The following NEGR1 variants were observed in gnomAD, a reference collection of about 807,000 sequenced individuals.
NEGR1 encodes the protein neuronal growth regulator 1.
Under a neutral mutation model 40.9 loss-of-function variants are expected in NEGR1, and 10 were observed. The observed-to-expected ratio is 0.24, with a 90% CI of 0.15 to 0.42. NEGR1 has a LOEUF of 0.42. Among genes scored for constraint, NEGR1 ranks in the 10% least tolerant of loss-of-function variants. The pLI is 1.00. For synonymous variants in NEGR1, 185 were observed against 166.8 expected (o/e 1.11, Z -0.84); for missense variants, 352 against 438.9 (o/e 0.80, Z 1.77).
At chr1:72,144,106 T>G (rs1650813808) in intron 1 of NEGR1, among the ~76,000 whole-genome samples, 1 of 150,642 alleles carries the variant, frequency 6.6e-6, no homozygotes. Context: ...AATTACTGCT[T>G]AATTGAATAA....
chr1:71,805,221 T>G (rs971136310), intron 2 of NEGR1, among the ~76,000 whole-genome samples: 12 of 152,310 alleles, frequency 7.9e-5, no homozygotes, highest in Admixed American at 3.3e-4. Context: ...AATTTTAATT[T>G]CGCCCCATCC....
At chr1:71,740,703 C>T (rs1437246994) in intron 3 of NEGR1, among the ~76,000 whole-genome samples, 1 of 152,008 alleles carries the variant, frequency 6.6e-6, no homozygotes, top group Non-Finnish European at 1.5e-5. Context: ...TGGAAAACAG[C>T]AGGAAGGCAA....
At chr1:71,905,542 G>A (rs601677) in intron 2 of NEGR1, among the ~76,000 whole-genome samples, 4,355 of 151,938 alleles carry the variant, frequency 0.029, 105 homozygotes, top group Middle Eastern at 0.066. Context: ...ATAAAACATC[G>A]TGAAGATTAT....
intron 3 of NEGR1, among the ~76,000 whole-genome samples, chr1:71,724,681 C>A (rs567388029): frequency 3.3e-5 from 5 of 152,254 alleles, no homozygotes; most frequent in African/African-American, 1.2e-4. Context: ...TTGGAACCAG[C>A]ACAATGCTCA....
At chr1:72,035,268 T>C (rs1411102762) in intron 1 of NEGR1, among the ~76,000 whole-genome samples, 3 of 152,180 alleles carry the variant, frequency 2.0e-5, no homozygotes, top group Non-Finnish European at 4.4e-5. Context: ...GTCTTCTTTT[T>C]GTCTATTAAA....
chr1:71,845,226 T>C (rs1659365605), intron 2 of NEGR1, among the ~76,000 whole-genome samples: 2 of 152,004 alleles, frequency 1.3e-5, no homozygotes, highest in South Asian at 4.1e-4. Flanking sequence ...GATAAATAAC[T>C]ATAGAATTTT....
chr1:72,172,095 G>A (rs1225603266), intron 1 of NEGR1, among the ~76,000 whole-genome samples: 5 of 152,114 alleles, frequency 3.3e-5, no homozygotes, highest in Non-Finnish European at 7.4e-5. Flanking sequence ...ATCAGCAGTA[G>A]GTGGAAGGAT....
chr1:72,192,426 A>G (rs1363188594), intron 1 of NEGR1, among the ~76,000 whole-genome samples: 1 of 151,948 alleles, frequency 6.6e-6, no homozygotes, highest in East Asian at 1.9e-4. Context: ...ACATCACTGT[A>G]TAATATACTC....
At chr1:72,022,051 C>T (rs557136849) in intron 1 of NEGR1, among the ~76,000 whole-genome samples, 1 of 151,870 alleles carries the variant, frequency 6.6e-6, no homozygotes, top group Non-Finnish European at 1.5e-5. Context: ...AGGAGAATGG[C>T]GTGAACCCGG....
intron 6 of NEGR1, among the ~76,000 whole-genome samples, chr1:71,440,045 C>T (rs1387748150): frequency 6.6e-6 from 1 of 152,064 alleles, no homozygotes; most frequent in Non-Finnish European, 1.5e-5. Flanking sequence ...TATTCTATGG[C>T]TTACGAATCC....
At chr1:71,629,276 T>C (rs1473439165) in intron 4 of NEGR1, among the ~76,000 whole-genome samples, 2 of 151,804 alleles carry the variant, frequency 1.3e-5, no homozygotes, top group African/African-American at 4.8e-5. Flanking sequence ...AAAAAGAAAA[T>C]CAATGGTAGC....
chr1:71,945,280 G>A (rs1646007719), intron 1 of NEGR1, among the ~76,000 whole-genome samples: 1 of 152,014 alleles, frequency 6.6e-6, no homozygotes, highest in South Asian at 2.1e-4. Context: ...TAATTAGTTT[G>A]TTTAACTTGT....
intron 1 of NEGR1, among the ~76,000 whole-genome samples, chr1:72,213,689 C>T (rs941321600): frequency 3.3e-5 from 5 of 151,560 alleles, no homozygotes; most frequent in Non-Finnish European, 7.4e-5. Flanking sequence ...AAGTTAAATC[C>T]CTGAATACAA....
chr1:72,006,321 C>T, intron 1 of NEGR1, among the ~76,000 whole-genome samples: 1 of 151,982 alleles, frequency 6.6e-6, no homozygotes, highest in Admixed American at 6.6e-5. Context: ...GTAAATAAGC[C>T]TAGGATAGAA....
intron 1 of NEGR1, chr1:72,274,918 G>T: frequency 1.3e-6 from 2 of 1,578,958 alleles, no homozygotes; most frequent in Non-Finnish European, 1.7e-6. Flanking sequence ...TCGAAAGTCA[G>T]ATATCTACGT....
At chr1:71,699,739 C>T (rs1191613886) in intron 3 of NEGR1, among the ~76,000 whole-genome samples, 2 of 151,740 alleles carry the variant, frequency 1.3e-5, no homozygotes, top group East Asian at 1.9e-4. Flanking sequence ...TGCCCCAACC[C>T]GACTCTCAAC....
At chr1:71,925,637 CAAGG>C (rs1645765398) in intron 2 of NEGR1, among the ~76,000 whole-genome samples, 2 of 151,666 alleles carry the variant, frequency 1.3e-5, no homozygotes, top group South Asian at 4.2e-4. Flanking sequence ...ATAATGGTTA[CAAGG>C]AGTATTGTCA....
chr1:71,811,447 A>G (rs957367784), intron 2 of NEGR1, among the ~76,000 whole-genome samples: 15 of 151,694 alleles, frequency 9.9e-5, no homozygotes, highest in Non-Finnish European at 1.9e-4. Context: ...TTTCCTAACC[A>G]CCTTATTACA....
intron 1 of NEGR1, among the ~76,000 whole-genome samples, chr1:72,174,285 T>C (rs1030762563): frequency 5.3e-5 from 8 of 152,100 alleles, no homozygotes. Flanking sequence ...CTATCAATAT[T>C]CCCCACCAGA....
Sources: gnomAD v4.1 joint callset for allele counts (sites outside exome capture counted in the v4.1 genomes callset) on GRCh38, gnomAD v4.1.1 for gene constraint, MANE v1.5 for transcripts, NCBI Gene and HGNC (gene_info 2026-07-23, HGNC 2026-07-21) for gene names.